Variants in CCDC187 observed in about 807,000 individuals in gnomAD.
CCDC187 encodes the protein coiled-coil domain-containing protein 187.
A neutral mutation model predicts 38.0 loss-of-function variants in CCDC187; 32 were observed. That is an observed-to-expected ratio of 0.84 (90% CI 0.64 to 1.13). CCDC187 has a LOEUF of 1.13. Among genes scored for constraint, CCDC187 ranks in the 50% most tolerant of loss-of-function variants. The probability of loss-of-function intolerance (pLI) is 0.00; values close to 1 mark genes in which losing one functional copy is unlikely to be tolerated. For synonymous variants in CCDC187, 333 were observed against 347.9 expected (o/e 0.96, Z 0.48); for missense variants, 707 against 786.8 (o/e 0.90, Z 1.21).
At chr9:136,267,083 C>CGA (rs1830758121) in intron 16 of CCDC187, 1 of 153,190 alleles carries the variant, frequency 6.5e-6, no homozygotes, top group Non-Finnish European at 1.4e-5. Context: ...GAGCGAAACT[C>CGA]TGTCTCAAAA....
chr9:136,259,891 T>G (rs1830660566), intron 20 of CCDC187, among the ~76,000 whole-genome samples: 1 of 152,152 alleles, frequency 6.6e-6, no homozygotes, highest in Admixed American at 6.5e-5. Flanking sequence ...ATCTTGGGAA[T>G]GCTGGCTGCC....
intron 3 of CCDC187, among the ~76,000 whole-genome samples, chr9:136,298,159 A>G (rs1186728010): frequency 6.6e-6 from 1 of 152,172 alleles, no homozygotes; most frequent in Non-Finnish European, 1.5e-5. Context: ...CCAGTTTCTC[A>G]TCTCTGAATC....
chr9:136,305,336 C>T (rs927556301), upstream of CCDC187, among the ~76,000 whole-genome samples: 1 of 152,208 alleles, frequency 6.6e-6, no homozygotes, highest in East Asian at 1.9e-4. Context: ...GGTGTGACCA[C>T]AGGGTCCCCC....
intron 9 of CCDC187, among the ~76,000 whole-genome samples, chr9:136,284,438 C>T (rs912463970): frequency 2.0e-5 from 3 of 152,186 alleles, no homozygotes; most frequent in South Asian, 2.1e-4. Flanking sequence ...TTGCCCCGCC[C>T]GTGGTGCTGA....
In CCDC187 at chr9:136,290,949, C is replaced by T. The variant is rs1831311347; in HGVS notation, c.1664G>A (p.Gly555Asp). 1.0e-5 allele frequency: 4 copies of T among 398,652 alleles called. No homozygotes were observed. Among genetic ancestry groups the T allele is most frequent in the Non-Finnish European group, 1.8e-5 (4 of 226,122 alleles). The allele number at this position is 398,652 out of a possible 1,614,324, so 24.7% of individuals were successfully genotyped here. ...TTCCAGAGGGTTCCGCAGTCTGGGG[C>T]CAGGGTCCTCCCAGGTTTCACAGGC... is the stretch of plus-strand genomic sequence containing the variant. ...WTACETWEDPGPRLRNPLERP... is the reference protein window; with the variant it reads ...WTACETWEDPDPRLRNPLERP... Residue 555 changes from glycine to aspartate, a missense_variant, in exon 6 of 26, where the codon GGC becomes GAC. Physicochemically the swap from Gly to Asp is moderately conservative, Grantham distance 94. Coordinates refer to ENST00000638797, the MANE Select transcript of CCDC187 (RefSeq NM_001378188.1).
rs1388484077 is a variant in CCDC187, at chr9:136,264,932, T to C, written c.3735+1024A>G. Among the ~76,000 whole-genome samples the C allele has an allele frequency of 6.6e-6, 1 of 152,194 alleles. No individual in the cohort carries two copies. Among genetic ancestry groups the C allele is most frequent in the African/African-American group, 2.4e-5 (1 of 41,444 alleles). On this transcript the variant is annotated intron_variant, in intron 17 of 25. Coordinates refer to ENST00000638797, the MANE Select transcript of CCDC187 (RefSeq NM_001378188.1). This position sits in a 1 kb window ranked among gnomAD's most constrained non-coding sequence, Gnocchi z 4.3. ...CACCTATAGTGGCAGATTTATTTTT[T>C]GTAGAGACGGGGTCTTGCTATGTTG...
At chr9:136,285,472 T>C (rs1443757800) in intron 9 of CCDC187, 41 bp downstream of exon 9, 465 of 30,182 alleles carry the variant, frequency 0.015, 11 homozygotes, top group Non-Finnish European at 9.8e-3. Context: ...GGCGGGCAGG[T>C]GGGCAGGTGG....
intron 12 of CCDC187, among the ~76,000 whole-genome samples, chr9:136,275,693 T>C (rs1419660020): frequency 3.3e-5 from 5 of 152,162 alleles, no homozygotes; most frequent in African/African-American, 1.2e-4. Flanking sequence ...CTGGGTGACA[T>C]TGTCCCCTCA....
rs909546997 is a variant in CCDC187, at chr9:136,278,689, G to T, written c.3041-1962C>A. On this transcript the variant is annotated intron_variant, in intron 10 of 25. Transcript: ENST00000638797. ...CCTGGGGAGTCACAGCCTCAAACCA[G>T]AATGAGGCTGACAGGACCCTTACCC... 7.8e-3 allele frequency among the ~76,000 whole-genome samples: 1,189 copies of T among 152,360 alleles called. 17 individuals are homozygous for T. The highest frequency in any genetic ancestry group is 0.027 in the African/African-American group (1,124 of 41,576).
In CCDC187 at chr9:136,256,306, G is replaced by A; in HGVS notation, c.4521C>T (p.Ser1507=). The A allele has an allele frequency of 1.0e-6, 1 of 985,466 alleles. No individual in the cohort carries two copies. The highest frequency in any genetic ancestry group is 1.2e-6 in the Non-Finnish European group (1 of 829,950). 61.0% of individuals were successfully genotyped at this position (985,466 alleles called of 1,614,324 possible). Reference sequence around the variant, plus strand: ...CCGATTCCAAGCCCTCTTCGCTCATGCTGTCCTCAGCCACCTGCTGGAGAG... The same window carrying A: ...CCGATTCCAAGCCCTCTTCGCTCATACTGTCCTCAGCCACCTGCTGGAGAG... ...PQEASQVAED[S]MSEEGLESGL... is the part of the protein sequence containing the mutation. Residue 1507 remains serine, a synonymous_variant, in exon 24 of 26, where the codon AGC becomes AGT. Coordinates refer to ENST00000638797, the MANE Select transcript of CCDC187 (RefSeq NM_001378188.1).
At chr9:136,289,027 G>A (rs1453973928) in intron 7 of CCDC187, among the ~76,000 whole-genome samples, 5 of 152,222 alleles carry the variant, frequency 3.3e-5, no homozygotes, top group Non-Finnish European at 5.9e-5. Flanking sequence ...GGCATCCGTT[G>A]GCCACGAGGT....
At chr9:136,277,928 G>A (rs1224472873) in intron 10 of CCDC187, among the ~76,000 whole-genome samples, 2 of 152,206 alleles carry the variant, frequency 1.3e-5, no homozygotes, top group Admixed American at 1.3e-4. Context: ...GAGCAGCTCA[G>A]CCATGAACCA....
chr9:136,306,659 G>T (rs970793884), upstream of CCDC187, among the ~76,000 whole-genome samples: 4 of 152,278 alleles, frequency 2.6e-5, no homozygotes, highest in Non-Finnish European at 1.5e-5. Context: ...TCAGAAGGCC[G>T]GGCGTGCCAA....
At chr9:136,296,840 T>C (rs1350356266) in intron 4 of CCDC187, among the ~76,000 whole-genome samples, 1 of 152,158 alleles carries the variant, frequency 6.6e-6, no homozygotes, top group Non-Finnish European at 1.5e-5. Flanking sequence ...ACCCACAGGA[T>C]TACCTGACTG....
intron 9 of CCDC187, among the ~76,000 whole-genome samples, chr9:136,283,673 A>G (rs1831101167): frequency 6.6e-6 from 1 of 152,044 alleles, no homozygotes; most frequent in Non-Finnish European, 1.5e-5. Flanking sequence ...CCCTGGCCGC[A>G]CCTCTGCCCC....
At chr9:136,277,113 C>G (rs1278607446) in intron 10 of CCDC187, among the ~76,000 whole-genome samples, 1 of 151,904 alleles carries the variant, frequency 6.6e-6, no homozygotes, top group East Asian at 2.0e-4. Flanking sequence ...CCAGACAGAC[C>G]GGGTCTGTCA....
At chr9:136,282,896 G>A (rs1051777707) in intron 9 of CCDC187, among the ~76,000 whole-genome samples, 17,682 of 152,274 alleles carry the variant, frequency 0.12, 1,382 homozygotes, top group Admixed American at 0.2. Context: ...AAGCCCCAGT[G>A]CCTCCACCAC....
rs944264652 is a variant in CCDC187 at position 136,281,081 on chromosome 9, C to A, written c.3040+470G>T. The A allele has an allele frequency of 1.9e-3, 471 of 246,790 alleles. 3 individuals carry two copies. Among genetic ancestry groups the A allele is most frequent in the African/African-American group, 9.7e-3 (439 of 45,088 alleles). 15.3% of individuals were successfully genotyped at this position (246,790 alleles called of 1,614,324 possible). A position where few individuals can be genotyped will look rare whatever the true frequency, so the allele number is the denominator to read the frequency against. The stretch of plus-strand genomic sequence containing the variant: ...CCAGCTGCCCTGCCAAGCCCCCCAG[C>A]CAGGAGGGTCCTACAGCGCAGCCCA... On this transcript the variant is annotated intron_variant, in intron 10 of 25. Coordinates refer to ENST00000638797, the MANE Select transcript of CCDC187 (RefSeq NM_001378188.1).
chr9:136,276,977 C>T (rs927514260), intron 10 of CCDC187, among the ~76,000 whole-genome samples: 15 of 152,038 alleles, frequency 9.9e-5, no homozygotes, highest in Admixed American at 5.2e-4. Flanking sequence ...CGGAAGGACA[C>T]GGAGACCCAC....
Sources: allele counts gnomAD v4.1 joint callset (sites outside exome capture counted in the v4.1 genomes callset), GRCh38; gene constraint gnomAD v4.1.1; non-coding constraint Gnocchi (gnomAD v3.1); transcripts MANE v1.5; gene names NCBI Gene and HGNC (gene_info 2026-07-23, HGNC 2026-07-21).